PKIB: variants seen among roughly 807,000 people sequenced by gnomAD.
PKIB encodes PKI-beta.
A neutral mutation model predicts 4.5 loss-of-function variants in PKIB; 2 were observed. The ratio of observed to expected loss-of-function variants is 0.44; its 90% CI spans 0.18 to 1.39. PKIB has a LOEUF of 1.39. Among genes scored for constraint, PKIB ranks in the 40% most tolerant of loss-of-function variants. PKIB has a pLI of 0.27. For missense variants in PKIB, 94 were observed against 92.6 expected (o/e 1.02, Z -0.06); for synonymous variants, 38 against 36.0 (o/e 1.06, Z -0.20).
intron 2 of PKIB, among the ~76,000 whole-genome samples, chr6:122,634,571 A>T (rs903919358): frequency 6.6e-6 from 1 of 152,002 alleles, no homozygotes; most frequent in African/African-American, 2.4e-5. Context: ...TCCTACTAGA[A>T]CACAACTCCA....
chr6:122,626,313 T>A (rs1308117278), intron 1 of PKIB, among the ~76,000 whole-genome samples: 1 of 152,226 alleles, frequency 6.6e-6, no homozygotes, highest in Non-Finnish European at 1.5e-5. Context: ...TACCTTTTGC[T>A]AATACGAGTA....
chr6:122,536,781 A>T (rs1391442379), intron 2 of PKIB, among the ~76,000 whole-genome samples: 3 of 146,696 alleles, frequency 2.0e-5, no homozygotes, highest in Admixed American at 1.4e-4. Flanking sequence ...CAGTAAAATT[A>T]AAAAATAAAA....
chr6:122,715,771 A>C (rs1192965015), intron 3 of PKIB, among the ~76,000 whole-genome samples: 1 of 151,996 alleles, frequency 6.6e-6, no homozygotes, highest in Non-Finnish European at 1.5e-5. Flanking sequence ...GCAGAATCTA[A>C]AGTAGCTTTA....
intron 3 of PKIB, among the ~76,000 whole-genome samples, chr6:122,594,382 T>C (rs1774110081): frequency 6.6e-6 from 1 of 152,060 alleles, no homozygotes; most frequent in African/African-American, 2.4e-5. Context: ...AATTTTTGTA[T>C]TTTTAGTAGA....
At chr6:122,517,414 C>T (rs533962575) in intron 2 of PKIB, among the ~76,000 whole-genome samples, 11 of 152,210 alleles carry the variant, frequency 7.2e-5, no homozygotes, top group East Asian at 3.9e-4. Context: ...GTGCACTAAA[C>T]GATAGGGATT....
intron 2 of PKIB, among the ~76,000 whole-genome samples, chr6:122,532,685 G>C (rs9490472): frequency 6.6e-6 from 1 of 152,232 alleles, no homozygotes; most frequent in South Asian, 2.1e-4. Context: ...ATGCTGTAGC[G>C]TGTGTTAATC....
chr6:122,472,853 T>C (rs6909674), intron 1 of PKIB, among the ~76,000 whole-genome samples: 21,524 of 152,132 alleles, frequency 0.14, 1,622 homozygotes, highest in East Asian at 0.26. Flanking sequence ...GTGGAAATGC[T>C]TGTAATCCCA....
intron 3 of PKIB, among the ~76,000 whole-genome samples, chr6:122,602,267 C>T (rs1774392041): frequency 6.6e-6 from 1 of 152,094 alleles, no homozygotes; most frequent in South Asian, 2.1e-4. Flanking sequence ...CTAATAGGGC[C>T]AGTGTGGACT....
At chr6:122,517,067 G>C (rs190365286) in intron 2 of PKIB, among the ~76,000 whole-genome samples, 1 of 152,138 alleles carries the variant, frequency 6.6e-6, no homozygotes, top group Admixed American at 6.5e-5. Flanking sequence ...GAGGTTAAAT[G>C]GTCTTTAAAA....
chr6:122,522,093 T>A (rs1429513783), intron 2 of PKIB, among the ~76,000 whole-genome samples: 1 of 152,114 alleles, frequency 6.6e-6, no homozygotes, highest in Non-Finnish European at 1.5e-5. Flanking sequence ...GCTTTTTGTC[T>A]AACATCATTT....
chr6:122,655,294 A>G (rs1017762738), intron 2 of PKIB, among the ~76,000 whole-genome samples: 2 of 152,234 alleles, frequency 1.3e-5, no homozygotes, highest in Non-Finnish European at 2.9e-5. Context: ...CCACCTAAAA[A>G]TGTTTATATG....
intron 1 of PKIB, among the ~76,000 whole-genome samples, chr6:122,476,080 G>T (rs1775445393): frequency 6.6e-6 from 1 of 152,110 alleles, no homozygotes; most frequent in South Asian, 2.1e-4. Flanking sequence ...ATACTGCTTA[G>T]TTCTCTTGTC....
At chr6:122,710,604 G>A (rs9490531) in intron 3 of PKIB, among the ~76,000 whole-genome samples, 39,047 of 152,040 alleles carry the variant, frequency 0.26, 6,076 homozygotes, top group South Asian at 0.4. Context: ...ATTAAATGCT[G>A]TGTTCCCTGT....
intron 3 of PKIB, among the ~76,000 whole-genome samples, chr6:122,587,027 G>A (rs1421801967): frequency 6.6e-6 from 1 of 151,434 alleles, no homozygotes; most frequent in Non-Finnish European, 1.5e-5. Context: ...TAAGCAATGT[G>A]GTTTTTTTTT....
rs148328568 is a variant in PKIB, at chr6:122,561,733, C to T, written c.-247-24188C>T. Among the ~76,000 whole-genome samples the T allele has an allele frequency of 5.7e-4, 87 of 152,048 alleles. No individual in the cohort carries two copies. In the East Asian group the frequency reaches 0.011, roughly 20 times the overall value. On this transcript the variant is annotated intron_variant, in intron 2 of 6. Transcript: ENST00000392491. ...GTTTTGTCTGATATAAGAAGAGCTA[C>T]CCCTGCTCGCTTTTGGTGTCCATTT...
At chr6:122,507,293 A>G (rs1776440351) in intron 2 of PKIB, among the ~76,000 whole-genome samples, 1 of 152,196 alleles carries the variant, frequency 6.6e-6, no homozygotes, top group Non-Finnish European at 1.5e-5. Flanking sequence ...GAGAGGGTTT[A>G]TAAGTATCTG....
chr6:122,473,780 C>T (rs1240141097), intron 1 of PKIB, among the ~76,000 whole-genome samples: 1 of 152,202 alleles, frequency 6.6e-6, no homozygotes, highest in Non-Finnish European at 1.5e-5. Flanking sequence ...CTTCCTGTAG[C>T]ACACGTATAA....
intron 3 of PKIB, among the ~76,000 whole-genome samples, chr6:122,711,173 C>T (rs1779260954): frequency 6.6e-6 from 1 of 152,076 alleles, no homozygotes; most frequent in Non-Finnish European, 1.5e-5. Context: ...GGGACACACA[C>T]ACCCCACTCA....
intron 2 of PKIB, among the ~76,000 whole-genome samples, chr6:122,543,804 T>A (rs1235898346): frequency 6.6e-6 from 1 of 152,020 alleles, no homozygotes; most frequent in African/African-American, 2.4e-5. Flanking sequence ...AGTAATACTT[T>A]CAACTCATTA....
Sources: allele counts gnomAD v4.1 joint callset (sites outside exome capture counted in the v4.1 genomes callset), GRCh38; gene constraint gnomAD v4.1.1; transcripts MANE v1.5; gene names NCBI Gene and HGNC (gene_info 2026-07-23, HGNC 2026-07-21).